The following TENM3 variants were observed in gnomAD, a reference collection of about 807,000 sequenced individuals.
TENM3 encodes the protein teneurin transmembrane protein 3, also known as teneurin-3.
In TENM3, 63 loss-of-function variants were observed where a neutral mutation model predicts 255.1. That is an observed-to-expected ratio of 0.25 (90% CI 0.20 to 0.30). The LOEUF (loss-of-function observed/expected upper bound fraction) is 0.30. Among genes scored for constraint, TENM3 ranks in the 10% least tolerant of loss-of-function variants. The pLI, the probability that TENM3 is intolerant of heterozygous loss-of-function variation, is 1.00. For synonymous variants in TENM3, 1,306 were observed against 1,322.3 expected, an observed-to-expected ratio of 0.99 and a Z score of 0.27; for missense variants, 2,929 against 3,461.1, an observed-to-expected ratio of 0.85 and a Z score of 3.86.
At chr4:181,652,365 CTCT>C in the TENM3 span, among the ~76,000 whole-genome samples, 1 of 151,560 alleles carries the variant, frequency 6.6e-6, no homozygotes, top group Non-Finnish European at 1.5e-5. Flanking sequence ...TCTACAAACT[CTCT>C]TCCTCCTCGC....
At chr4:182,437,185 G>A (rs941861088) in intron 3 of TENM3, among the ~76,000 whole-genome samples, 2 of 152,146 alleles carry the variant, frequency 1.3e-5, no homozygotes, top group Non-Finnish European at 2.9e-5. Context: ...TCTCTAAATC[G>A]TATATGCATT....
the TENM3 span, among the ~76,000 whole-genome samples, chr4:181,989,254 G>C: frequency 6.6e-6 from 1 of 152,006 alleles, no homozygotes; most frequent in South Asian, 2.1e-4. Context: ...ACAGACACTA[G>C]AAAAACAAGG....
At chr4:182,361,509 C>T (rs1765977534) in intron 3 of TENM3, among the ~76,000 whole-genome samples, 1 of 152,200 alleles carries the variant, frequency 6.6e-6, no homozygotes, top group Non-Finnish European at 1.5e-5. Context: ...CAGTTGATCG[C>T]ATCGGCTCCT....
At chr4:181,856,802 G>A in the TENM3 span, among the ~76,000 whole-genome samples, 107 of 152,098 alleles carry the variant, frequency 7.0e-4, no homozygotes, top group Non-Finnish European at 1.1e-3. Context: ...ACCAGAGGAG[G>A]TCGGCACTCA....
At chr4:182,702,318 G>A (rs1040272008) in intron 12 of TENM3, among the ~76,000 whole-genome samples, 6 of 152,174 alleles carry the variant, frequency 3.9e-5, no homozygotes, top group African/African-American at 9.7e-5. Flanking sequence ...CAAAAGGAGG[G>A]CAGCTTGGGG....
the TENM3 span, among the ~76,000 whole-genome samples, chr4:181,451,087 G>A: frequency 6.6e-6 from 1 of 152,142 alleles, no homozygotes; most frequent in Non-Finnish European, 1.5e-5. Flanking sequence ...GAGTTTACAT[G>A]TAACAGGCAA....
chr4:181,839,933 A>T, the TENM3 span, among the ~76,000 whole-genome samples: 1 of 151,948 alleles, frequency 6.6e-6, no homozygotes, highest in Non-Finnish European at 1.5e-5. Flanking sequence ...ACGTCTTTTC[A>T]ATAAGTCTGA....
chr4:182,247,813 T>C (rs1304851659), intron 1 of TENM3, among the ~76,000 whole-genome samples: 2 of 152,162 alleles, frequency 1.3e-5, no homozygotes, highest in African/African-American at 2.4e-5. Context: ...CAAAATTTTA[T>C]TGGGAAAAAT....
the TENM3 span, among the ~76,000 whole-genome samples, chr4:181,702,215 C>T: frequency 6.6e-6 from 1 of 152,156 alleles, no homozygotes; most frequent in Admixed American, 6.5e-5. Context: ...GGCTTCTGGT[C>T]CTCGCTGTCA....
chr4:181,905,961 G>A, the TENM3 span: 3 of 558,126 alleles, frequency 5.4e-6, no homozygotes, highest in Admixed American at 2.1e-5. Context: ...AGCTTCTTCA[G>A]ATCTGGGTGG....
At chr4:181,749,814 A>G in the TENM3 span, among the ~76,000 whole-genome samples, 4 of 152,168 alleles carry the variant, frequency 2.6e-5, no homozygotes, top group Non-Finnish European at 4.4e-5. Context: ...AAGTGGCAAG[A>G]CTAGAGTTAG....
At chr4:181,897,289 A>G in the TENM3 span, among the ~76,000 whole-genome samples, 3 of 152,204 alleles carry the variant, frequency 2.0e-5, no homozygotes, top group African/African-American at 7.2e-5. Flanking sequence ...ATCTTCCAAT[A>G]TTCAGCCCAT....
At chr4:182,448,894 G>A (rs1323679287) in intron 3 of TENM3, 2 of 254,926 alleles carry the variant, frequency 7.8e-6, no homozygotes, top group Non-Finnish European at 1.6e-5. Context: ...CCGGCGCGAA[G>A]GGGTTAAGCG....
At chr4:181,602,468 AT>A in the TENM3 span, among the ~76,000 whole-genome samples, 5 of 152,074 alleles carry the variant, frequency 3.3e-5, no homozygotes, top group African/African-American at 4.8e-5. Context: ...TTTTGCCAAG[AT>A]TTTTTTTGAG....
chr4:181,834,711 G>T, the TENM3 span, among the ~76,000 whole-genome samples: 1 of 152,312 alleles, frequency 6.6e-6, no homozygotes, highest in East Asian at 1.9e-4. Flanking sequence ...AGTCAGGCAC[G>T]TGTTTATCCT....
At chr4:182,271,095 T>G (rs538127147) in intron 1 of TENM3, among the ~76,000 whole-genome samples, 1 of 152,336 alleles carries the variant, frequency 6.6e-6, no homozygotes, top group East Asian at 1.9e-4. Context: ...ATTTTAAAAC[T>G]ATAGTTCAGG....
intron 3 of TENM3, among the ~76,000 whole-genome samples, chr4:182,411,826 C>T (rs1770007702): frequency 6.6e-6 from 1 of 152,152 alleles, no homozygotes; most frequent in Non-Finnish European, 1.5e-5. Flanking sequence ...ACACCTTTTG[C>T]TTCTTCCTTG....
chr4:182,769,190 T>C (rs979265127), intron 22 of TENM3, among the ~76,000 whole-genome samples: 8 of 152,250 alleles, frequency 5.3e-5, no homozygotes, highest in African/African-American at 1.9e-4. Context: ...GGAGTCAGAG[T>C]ATTTCAGAGG....
chr4:181,537,523 T>G, the TENM3 span, among the ~76,000 whole-genome samples: 1 of 152,232 alleles, frequency 6.6e-6, no homozygotes, highest in African/African-American at 2.4e-5. Flanking sequence ...AATTGTGTTA[T>G]TACTTTATAG....
Sources: allele counts gnomAD v4.1 joint callset (sites outside exome capture counted in the v4.1 genomes callset), GRCh38; gene constraint gnomAD v4.1.1; transcripts MANE v1.5; gene names NCBI Gene and HGNC (gene_info 2026-07-23, HGNC 2026-07-21).